The following NRG3 variants were observed in gnomAD, a reference collection of about 807,000 sequenced individuals.
NRG3 encodes pro-neuregulin-3, membrane-bound isoform.
A neutral mutation model predicts 66.9 loss-of-function variants in NRG3; 31 were observed. The observed-to-expected ratio is 0.46, with a 90% CI of 0.35 to 0.63. NRG3 has a LOEUF of 0.63. Among genes scored for constraint, NRG3 ranks in the 20% least tolerant of loss-of-function variants. The pLI, the probability that NRG3 is intolerant of heterozygous loss-of-function variation, is 0.00. For missense variants in NRG3, 910 were observed against 878.9 expected (o/e 1.04, Z -0.45); for synonymous variants, 393 against 359.4 (o/e 1.09, Z -1.06).
At chr10:82,524,361 A>G (rs1215636346) in intron 2 of NRG3, among the ~76,000 whole-genome samples, 5 of 152,062 alleles carry the variant, frequency 3.3e-5, no homozygotes, top group African/African-American at 9.6e-5. Context: ...TATGAGATAC[A>G]TAGTAGGTGC....
chr10:82,878,012 G>A (rs556672588), intron 4 of NRG3, among the ~76,000 whole-genome samples: 1 of 152,278 alleles, frequency 6.6e-6, no homozygotes, highest in African/African-American at 2.4e-5. Context: ...ACGGTTTAGG[G>A]TAAATCCTGG....
At chr10:82,503,119 G>A (rs1221913456) in intron 2 of NRG3, among the ~76,000 whole-genome samples, 2 of 152,070 alleles carry the variant, frequency 1.3e-5, no homozygotes, top group African/African-American at 4.8e-5. Flanking sequence ...AGTGAATCAG[G>A]GTGTGTCTAT....
At chr10:82,351,719 A>G (rs1253412062) in intron 1 of NRG3, among the ~76,000 whole-genome samples, 3 of 152,194 alleles carry the variant, frequency 2.0e-5, no homozygotes, top group African/African-American at 7.2e-5. Flanking sequence ...TGTAATCCAG[A>G]TCATAATATT....
At chr10:81,977,682 A>G (rs186334306) in intron 1 of NRG3, among the ~76,000 whole-genome samples, 1 of 152,298 alleles carries the variant, frequency 6.6e-6, no homozygotes, top group Non-Finnish European at 1.5e-5. Context: ...TCTAAATGAA[A>G]ACACTCTGTG....
At chr10:82,651,931 C>G in intron 2 of NRG3, among the ~76,000 whole-genome samples, 1 of 152,218 alleles carries the variant, frequency 6.6e-6, no homozygotes, top group East Asian at 1.9e-4. Flanking sequence ...ACGGGACTCA[C>G]AGAGGGAGTG....
At chr10:82,723,475 T>C (rs1308734880) in intron 2 of NRG3, among the ~76,000 whole-genome samples, 2 of 152,068 alleles carry the variant, frequency 1.3e-5, no homozygotes, top group African/African-American at 2.4e-5. Context: ...AAATAAAAGT[T>C]TAAATTATGA....
intron 2 of NRG3, among the ~76,000 whole-genome samples, chr10:82,447,730 C>T (rs188953069): frequency 9.2e-5 from 14 of 152,322 alleles, no homozygotes; most frequent in Non-Finnish European, 1.6e-4. Context: ...AAAAGTATTA[C>T]TGAACTTTGG....
chr10:82,767,461 T>C (rs1457874856), intron 3 of NRG3, among the ~76,000 whole-genome samples: 1 of 152,194 alleles, frequency 6.6e-6, no homozygotes, highest in Non-Finnish European at 1.5e-5. Context: ...GCATTTTTCT[T>C]CACGGGTTCT....
At chr10:82,294,264 C>T (rs1382906348) in intron 1 of NRG3, among the ~76,000 whole-genome samples, 3 of 152,120 alleles carry the variant, frequency 2.0e-5, no homozygotes, top group African/African-American at 7.2e-5. Flanking sequence ...TTTATTTAAC[C>T]TTAAGTAAAA....
chr10:82,955,152 C>A (rs1849918976), intron 5 of NRG3: 1 of 151,810 alleles, frequency 6.6e-6, no homozygotes, highest in Non-Finnish European at 1.5e-5. Flanking sequence ...ATTCTTTTTC[C>A]ATTCCCTCGT....
intron 6 of NRG3, among the ~76,000 whole-genome samples, chr10:82,970,013 G>A (rs544434904): frequency 6.6e-6 from 1 of 152,162 alleles, no homozygotes; most frequent in East Asian, 1.9e-4. Flanking sequence ...TTCAATGGCT[G>A]TGTAGTATTC....
intron 2 of NRG3, among the ~76,000 whole-genome samples, chr10:82,461,457 CCCT>C (rs1434566213): frequency 6.6e-6 from 1 of 152,184 alleles, no homozygotes; most frequent in Non-Finnish European, 1.5e-5. Context: ...ACTTGCACAT[CCCT>C]CCTATTTGCT....
intron 3 of NRG3, among the ~76,000 whole-genome samples, chr10:82,771,696 A>G (rs2059718001): frequency 6.6e-6 from 1 of 152,224 alleles, no homozygotes; most frequent in Admixed American, 6.6e-5. Flanking sequence ...TGGATGAGCT[A>G]TTCCTCATTC....
At chr10:82,780,675 G>A (rs146485202) in intron 3 of NRG3, among the ~76,000 whole-genome samples, 146 of 152,072 alleles carry the variant, frequency 9.6e-4, no homozygotes, top group African/African-American at 3.4e-3. Flanking sequence ...CTGGCCAACA[G>A]TTTTAATGAC....
intron 2 of NRG3, among the ~76,000 whole-genome samples, chr10:82,576,678 A>G (rs1482015244): frequency 6.6e-6 from 1 of 151,770 alleles, no homozygotes; most frequent in Non-Finnish European, 1.5e-5. Context: ...TTTGTGTTCA[A>G]TCTACCATCT....
chr10:82,903,647 A>G (rs1177733462), intron 4 of NRG3, among the ~76,000 whole-genome samples: 1 of 152,144 alleles, frequency 6.6e-6, no homozygotes, highest in East Asian at 1.9e-4. Flanking sequence ...TCTCTTCCTT[A>G]TGACTTCCTT....
intron 1 of NRG3, among the ~76,000 whole-genome samples, chr10:82,357,200 A>T (rs12269338): frequency 0.11 from 17,062 of 152,224 alleles, 1,681 homozygotes; most frequent in East Asian, 0.26. Flanking sequence ...AGTTGCATAA[A>T]GTTTTAGAGT....
At chr10:82,597,174 A>G (rs1246010769) in intron 2 of NRG3, among the ~76,000 whole-genome samples, 1 of 152,222 alleles carries the variant, frequency 6.6e-6, no homozygotes, top group Non-Finnish European at 1.5e-5. Context: ...CTGGAAATGT[A>G]TACATGTGTG....
intron 3 of NRG3, among the ~76,000 whole-genome samples, chr10:82,857,176 G>A (rs2063853722): frequency 6.6e-6 from 1 of 152,206 alleles, no homozygotes; most frequent in Admixed American, 6.5e-5. Context: ...GCTTAGCAGA[G>A]TGCTCATCTT....
Sources: gnomAD v4.1 joint callset for allele counts (sites outside exome capture counted in the v4.1 genomes callset) on GRCh38, gnomAD v4.1.1 for gene constraint, MANE v1.5 for transcripts, NCBI Gene and HGNC (gene_info 2026-07-23, HGNC 2026-07-21) for gene names.